DERA: variants seen among roughly 807,000 people sequenced by gnomAD.
DERA encodes 2-deoxy-D-ribose 5-phosphate aldolase.
DERA carries 15 observed loss-of-function variants against 41.1 expected under a neutral mutation model. That is an observed-to-expected ratio of 0.37 (90% confidence interval 0.24 to 0.56). The LOEUF is 0.56. DERA is among the 20% of genes least tolerant of loss of function. The probability of loss-of-function intolerance (pLI) is 0.81; values close to 1 mark genes in which losing one functional copy is unlikely to be tolerated. For missense variants in DERA, 396 were observed against 403.4 expected (o/e 0.98, Z 0.16); for synonymous variants, 139 against 137.4 (o/e 1.01, Z -0.08).
chr12:15,941,093 A>T lies in DERA; in HGVS notation c.32-15843A>T, dbSNP rs1013703888. Reference sequence around the variant, plus strand: ...AAGCCTGACCCAAAGAAAATAGTTTAGATTTACAGAATTTGATAAATCATA... The same window carrying T: ...AAGCCTGACCCAAAGAAAATAGTTTTGATTTACAGAATTTGATAAATCATA... On this transcript the variant is annotated intron_variant, in intron 1 of 8. Coordinates refer to ENST00000428559, the MANE Select transcript of DERA (RefSeq NM_015954.4). This position sits in a 1 kb window ranked among gnomAD's most constrained non-coding sequence, Gnocchi z 4.5. 6.6e-6 allele frequency among the ~76,000 whole-genome samples: 1 copy of T among 152,226 alleles called. No homozygotes were observed. Among genetic ancestry groups the T allele is most frequent in the Non-Finnish European group, 1.5e-5 (1 of 68,042 alleles).
rs563130017 is a variant in DERA, at chr12:15,920,609, C to T, written c.31+9195C>T. On this transcript the variant is annotated intron_variant, in intron 1 of 8. Coordinates refer to ENST00000428559, the MANE Select transcript of DERA (RefSeq NM_015954.4). Reference sequence around the variant, plus strand: ...CAGCACTTTGGGAGGCTGAGGCGGGCGGATCATGAGATGAAGAGATTGAGA... The same window carrying T: ...CAGCACTTTGGGAGGCTGAGGCGGGTGGATCATGAGATGAAGAGATTGAGA... Among the ~76,000 whole-genome samples the T allele has an allele frequency of 5.5e-3, 831 of 151,630 alleles. 7 individuals carry two copies. Among genetic ancestry groups the T allele is most frequent in the Non-Finnish European group, 9.6e-3 (654 of 67,870 alleles).
Position 15,982,542 on chromosome 12 carries a change from AAT to A in DERA, c.637+107_637+108del. On this transcript the variant is annotated intron_variant, in intron 6 of 8. Transcript: ENST00000428559. The surrounding 1 kb of genome is among the most constrained non-coding windows in gnomAD (Gnocchi z 4.0). ...ATTATTAAACGTGCTAACCACTTGG[AAT>A]TTTTTTGCGGGAGGAATCGGATATT... The A allele has an allele frequency of 7.9e-7, 1 of 1,268,400 alleles. No homozygotes were observed. The allele number at this position is 1,268,400 out of a possible 1,614,324, so 78.6% of individuals were successfully genotyped here.
Position 15,954,256 on chromosome 12 carries a change from G to A in DERA, c.32-2680G>A, listed in dbSNP as rs982249346. 6.6e-6 allele frequency among the ~76,000 whole-genome samples: 1 copy of A among 152,152 alleles called. No homozygotes were observed. The highest frequency in any genetic ancestry group is 6.5e-5 in the Admixed American group (1 of 15,286). On this transcript the variant is annotated intron_variant, in intron 1 of 8. Coordinates refer to ENST00000428559, the MANE Select transcript of DERA (RefSeq NM_015954.4). The surrounding 1 kb of genome is among the most constrained non-coding windows in gnomAD (Gnocchi z 4.0). ...GAATTAAATCCTTTCTGGTCTTTGG[G>A]AACCACTCGACTTATTTATCGTATG...
At position 16,010,458 on chromosome 12, in the gene DERA, A is replaced by G. The variant is rs1200601834; in HGVS notation, c.638-22084A>G. On this transcript the variant is annotated intron_variant, in intron 6 of 8. Coordinates refer to ENST00000428559, the MANE Select transcript of DERA (RefSeq NM_015954.4). This position sits in a 1 kb window ranked among gnomAD's most constrained non-coding sequence, Gnocchi z 5.5. ...CTGCTTGTACCTTTACCCATAGATGAGGTTTTCCGAGTTCTGCTGCTTTCC... is the reference window on the plus strand; with the variant it reads ...CTGCTTGTACCTTTACCCATAGATGGGGTTTTCCGAGTTCTGCTGCTTTCC... Among the ~76,000 whole-genome samples, 1 of 150,844 alleles carries G rather than the reference A, an allele frequency of 6.6e-6. No homozygotes were observed. The highest frequency in any genetic ancestry group is 1.5e-5 in the Non-Finnish European group (1 of 67,874).
Position 15,988,450 on chromosome 12 carries a change from G to C in DERA, c.637+6014G>C, listed in dbSNP as rs887901079. Reference sequence around the variant, plus strand: ...CATCCCAACAAGTGTCCAGCTCTCAGTAGAGAGGAGACCTGTAGTGGGTAG... The same window carrying C: ...CATCCCAACAAGTGTCCAGCTCTCACTAGAGAGGAGACCTGTAGTGGGTAG... On this transcript the variant is annotated intron_variant, in intron 6 of 8. Coordinates refer to ENST00000428559, the MANE Select transcript of DERA (RefSeq NM_015954.4). The surrounding 1 kb of genome is among the most constrained non-coding windows in gnomAD (Gnocchi z 6.0). 1.3e-5 allele frequency among the ~76,000 whole-genome samples: 2 copies of C among 152,214 alleles called. No homozygotes were observed. The highest frequency in any genetic ancestry group is 1.3e-4 in the Admixed American group (2 of 15,282).
intron 5 of DERA, among the ~76,000 whole-genome samples, chr12:15,963,754 A>T (rs1948604734): frequency 6.6e-6 from 1 of 152,194 alleles, no homozygotes; most frequent in South Asian, 2.1e-4. Context: ...TATACTAATT[A>T]TGGAGGCTAT....
At position 15,965,549 on chromosome 12, in the gene DERA, A is replaced by G. The variant is rs564558936; in HGVS notation, c.508+2602A>G. On this transcript the variant is annotated intron_variant, in intron 5 of 8. Transcript: ENST00000428559. This position sits in a 1 kb window ranked among gnomAD's most constrained non-coding sequence, Gnocchi z 4.1. ...CCATTTTTTAAACCTGGCCCTTCAG[A>G]GTGGTCTTAACCATTTCTCATGGAT... 9.9e-5 allele frequency among the ~76,000 whole-genome samples: 15 copies of G among 152,108 alleles called. No individual in the cohort carries two copies. The South Asian group carries it at 3.1e-3, about 32-fold the overall frequency.
At chr12:15,956,014 A>G (rs1246276278) in intron 1 of DERA, among the ~76,000 whole-genome samples, 2 of 152,244 alleles carry the variant, frequency 1.3e-5, no homozygotes, top group Non-Finnish European at 2.9e-5. Flanking sequence ...CTATGTTTAT[A>G]GGATATTGGT....
intron 5 of DERA, among the ~76,000 whole-genome samples, chr12:15,969,372 T>C (rs1160765044): frequency 6.6e-6 from 1 of 152,204 alleles, no homozygotes; most frequent in Admixed American, 6.5e-5. Flanking sequence ...TCTAGCTCCA[T>C]GAGCTGAGGA....
In DERA at chr12:16,020,413, T is replaced by G. The variant is rs1013428090; in HGVS notation, c.638-12129T>G. ...TCTTCCTACCAGAGACACCTGAACATTGGGGTGGGGGTTACAATTTGACAT... is the reference window on the plus strand; with the variant it reads ...TCTTCCTACCAGAGACACCTGAACAGTGGGGTGGGGGTTACAATTTGACAT... On this transcript the variant is annotated intron_variant, in intron 6 of 8. Coordinates refer to ENST00000428559, the MANE Select transcript of DERA (RefSeq NM_015954.4). This position sits in a 1 kb window ranked among gnomAD's most constrained non-coding sequence, Gnocchi z 5.5. Among the ~76,000 whole-genome samples the G allele has an allele frequency of 2.0e-5, 3 of 152,000 alleles. No individual in the cohort carries two copies. The highest frequency in any genetic ancestry group is 7.2e-5 in the African/African-American group (3 of 41,398).
intron 1 of DERA, among the ~76,000 whole-genome samples, chr12:15,944,642 T>C (rs531428103): frequency 7.2e-5 from 11 of 152,362 alleles, no homozygotes; most frequent in African/African-American, 2.6e-4. Flanking sequence ...CTTTGTCAAA[T>C]GGATAGATGG....
rs1275999119 is a variant in DERA at position 15,924,472 on chromosome 12, T to TA, written c.31+13059dup. Among the ~76,000 whole-genome samples, 1 of 152,204 alleles carries TA rather than the reference T, an allele frequency of 6.6e-6. No homozygotes were observed. Among genetic ancestry groups the TA allele is most frequent in the African/African-American group, 2.4e-5 (1 of 41,456 alleles). ...TATTTTTCACTGTAGAGATTACAAATACAATATTCTAGAAATAACTTGGGT... is the reference window on the plus strand; with the variant it reads ...TATTTTTCACTGTAGAGATTACAAATAACAATATTCTAGAAATAACTTGGGT... On this transcript the variant is annotated intron_variant, in intron 1 of 8. Coordinates refer to ENST00000428559, the MANE Select transcript of DERA (RefSeq NM_015954.4). This position sits in a 1 kb window ranked among gnomAD's most constrained non-coding sequence, Gnocchi z 5.0.
chr12:16,005,533 G>T lies in DERA; in HGVS notation c.637+23097G>T, dbSNP rs78962207. Among the ~76,000 whole-genome samples, 49 of 152,288 alleles carry T rather than the reference G, an allele frequency of 3.2e-4. 1 individual carries two copies. The East Asian group carries it at 8.9e-3, about 28-fold the overall frequency. On this transcript the variant is annotated intron_variant, in intron 6 of 8. Coordinates refer to ENST00000428559, the MANE Select transcript of DERA (RefSeq NM_015954.4). ...TTTGGAACTATTTTCTGCTAAAACT[G>T]ATTTCTGAGTTGTGTTCTGTTAGAC...
In DERA at chr12:15,982,544, T is replaced by A; in HGVS notation, c.637+108T>A. 3.2e-6 allele frequency: 4 copies of A among 1,236,070 alleles called. No individual in the cohort carries two copies. In the South Asian group the frequency reaches 5.1e-5, roughly 16 times the overall value. The allele number at this position is 1,236,070 out of a possible 1,614,324, so 76.6% of individuals were successfully genotyped here. On this transcript the variant is annotated intron_variant, in intron 6 of 8. Transcript: ENST00000428559. The surrounding 1 kb of genome is among the most constrained non-coding windows in gnomAD (Gnocchi z 4.0). ...TATTAAACGTGCTAACCACTTGGAA[T>A]TTTTTTGCGGGAGGAATCGGATATT...
At position 15,959,962 on chromosome 12, in the gene DERA, C is replaced by T; in HGVS notation, c.373+38C>T. On this transcript the variant is annotated intron_variant, in intron 4 of 8. Coordinates refer to ENST00000428559, the MANE Select transcript of DERA (RefSeq NM_015954.4). The surrounding 1 kb of genome is among the most constrained non-coding windows in gnomAD (Gnocchi z 4.5). The stretch of plus-strand genomic sequence containing the variant: ...GTGGCTTTTGTTGTTATTTTTTAAA[C>T]ATGTTTCCAGTTCTTCATACAATGG... 1 of 1,463,852 alleles carries T rather than the reference C, an allele frequency of 6.8e-7. No homozygotes were observed. Among genetic ancestry groups the T allele is most frequent in the Non-Finnish European group, 9.3e-7 (1 of 1,072,378 alleles). 90.7% of individuals were successfully genotyped at this position (1,463,852 alleles called of 1,614,324 possible).
chr12:15,963,062 T>A, intron 5 of DERA, 115 bp downstream of exon 5: 1 of 1,379,280 alleles, frequency 7.3e-7, no homozygotes, highest in Admixed American at 2.6e-5. Flanking sequence ...AGTTAGTAGA[T>A]CAAATGGTGA....
chr12:15,950,335 G>T (rs1203243635), intron 1 of DERA, among the ~76,000 whole-genome samples: 1 of 152,186 alleles, frequency 6.6e-6, no homozygotes, highest in African/African-American at 2.4e-5. Context: ...ACTTCCTGAT[G>T]TTGCCATGGC....
In DERA at chr12:15,911,584, C is replaced by T; in HGVS notation, c.31+170C>T. 3 of 735,372 alleles carry T rather than the reference C, an allele frequency of 4.1e-6. No individual in the cohort carries two copies. 45.6% of individuals were successfully genotyped at this position (735,372 alleles called of 1,614,324 possible). ...CCCTCACCCCAAGTAAAGGCCGAACCCGGCACGTTCGCGCCGCTTGTCTTT... is the reference window on the plus strand; with the variant it reads ...CCCTCACCCCAAGTAAAGGCCGAACTCGGCACGTTCGCGCCGCTTGTCTTT... On this transcript the variant is annotated intron_variant, in intron 1 of 8. Transcript: ENST00000428559. The surrounding 1 kb of genome is among the most constrained non-coding windows in gnomAD (Gnocchi z 4.5).
intron 5 of DERA, among the ~76,000 whole-genome samples, chr12:15,977,828 G>A (rs747815162): frequency 4.6e-5 from 7 of 152,232 alleles, no homozygotes; most frequent in African/African-American, 1.4e-4. Flanking sequence ...GTTAAATAGC[G>A]TGTGGAGAAC....
Sources: gnomAD v4.1 joint callset for allele counts (sites outside exome capture counted in the v4.1 genomes callset) on GRCh38, gnomAD v4.1.1 for gene constraint, Gnocchi (gnomAD v3.1) non-coding constraint, MANE v1.5 for transcripts, NCBI Gene and HGNC (gene_info 2026-07-23, HGNC 2026-07-21) for gene names.